Variants in ADAMTS12 observed in about 807,000 individuals in gnomAD.
ADAMTS12 encodes the protein ADAM metallopeptidase with thrombospondin type 1 motif 12, also known as A disintegrin and metalloproteinase with thrombospondin motifs 12.
A neutral mutation model predicts 167.8 loss-of-function variants in ADAMTS12; 118 were observed. The observed-to-expected ratio is 0.70, with a 90% CI of 0.61 to 0.82. ADAMTS12 has a LOEUF of 0.82. Among genes scored for constraint, ADAMTS12 ranks in the 40% least tolerant of loss-of-function variants. The probability of loss-of-function intolerance (pLI) is 0.00; values close to 1 mark genes in which losing one functional copy is unlikely to be tolerated. For synonymous variants in ADAMTS12, 704 were observed against 716.9 expected (o/e 0.98, Z 0.29); for missense variants, 1,916 against 1,998.8 (o/e 0.96, Z 0.79).
chr5:33,632,162 C>T (rs1384839054), intron 12 of ADAMTS12, among the ~76,000 whole-genome samples: 2 of 152,126 alleles, frequency 1.3e-5, no homozygotes, highest in Non-Finnish European at 2.9e-5. Flanking sequence ...AGTTAGATAA[C>T]ACATGTTCTC....
intron 5 of ADAMTS12, among the ~76,000 whole-genome samples, chr5:33,682,789 C>T (rs1044785792): frequency 6.6e-6 from 1 of 152,158 alleles, no homozygotes; most frequent in African/African-American, 2.4e-5. Flanking sequence ...TTATTAGATA[C>T]AATGACTGTC....
intron 17 of ADAMTS12, among the ~76,000 whole-genome samples, chr5:33,595,481 G>A (rs1747877181): frequency 6.6e-6 from 1 of 152,160 alleles, no homozygotes; most frequent in Admixed American, 6.5e-5. Flanking sequence ...AGCCCCACGT[G>A]CCAGTAATGT....
At chr5:33,868,890 C>T (rs1160014295) in intron 2 of ADAMTS12, among the ~76,000 whole-genome samples, 2 of 152,176 alleles carry the variant, frequency 1.3e-5, no homozygotes, top group Admixed American at 1.3e-4. Context: ...TATTGGACAC[C>T]TCTTTTTAAA....
At chr5:33,615,731 G>T in intron 15 of ADAMTS12, 97 bp downstream of exon 15, 3 of 1,502,826 alleles carry the variant, frequency 2.0e-6, no homozygotes, top group Non-Finnish European at 2.7e-6. Context: ...AGGTTTTAAA[G>T]ATTCTGACTT....
rs143327907 is a variant in ADAMTS12 at position 33,798,409 on chromosome 5, T to C, written c.490-46861A>G. Among the ~76,000 whole-genome samples the C allele has an allele frequency of 6.1e-3, 915 of 150,456 alleles. 10 individuals are homozygous for C. The highest frequency in any genetic ancestry group is 0.021 in the African/African-American group (863 of 41,116). ...TGTGTCCTCACATGGTCTTTTCTCA[T>C]GTTCCTGATGTCTCTTCTTTGTATC... On this transcript the variant is annotated intron_variant, in intron 2 of 23. Transcript: ENST00000504830.
chr5:33,879,067 G>A (rs1750331998), intron 2 of ADAMTS12, among the ~76,000 whole-genome samples: 1 of 152,096 alleles, frequency 6.6e-6, no homozygotes, highest in Non-Finnish European at 1.5e-5. Context: ...TTTCTTTGTG[G>A]GCTAATGAAA....
At chr5:33,881,530 G>C in intron 1 of ADAMTS12, 50 bp from the exon 2 acceptor site, 2 of 1,556,082 alleles carry the variant, frequency 1.3e-6, no homozygotes, top group East Asian at 4.5e-5. Flanking sequence ...TGGTAGTAAA[G>C]CAAAGCCACT....
chr5:33,688,445 C>T (rs1402498223), intron 3 of ADAMTS12, among the ~76,000 whole-genome samples: 1 of 129,906 alleles, frequency 7.7e-6, no homozygotes, highest in Non-Finnish European at 1.7e-5. Flanking sequence ...ACTAACAGAA[C>T]AGAAGTCCTA....
chr5:33,726,115 A>G (rs1237677115), intron 3 of ADAMTS12, among the ~76,000 whole-genome samples: 1 of 152,178 alleles, frequency 6.6e-6, no homozygotes, highest in Non-Finnish European at 1.5e-5. Flanking sequence ...ACATTCCACT[A>G]TGTGGCTTAA....
chr5:33,633,886 T>A (rs189908005), intron 12 of ADAMTS12, among the ~76,000 whole-genome samples: 55 of 152,168 alleles, frequency 3.6e-4, no homozygotes, highest in Middle Eastern at 6.8e-3. Flanking sequence ...GTCATGTGAT[T>A]TTTTTTCCCT....
chr5:33,585,120 T>C (rs1747279544), intron 18 of ADAMTS12, among the ~76,000 whole-genome samples: 1 of 152,162 alleles, frequency 6.6e-6, no homozygotes, highest in African/African-American at 2.4e-5. Flanking sequence ...TTACAAAGTA[T>C]CTGACTAAAC....
At chr5:33,535,383 C>G (rs1744343386) in intron 22 of ADAMTS12, among the ~76,000 whole-genome samples, 1 of 152,142 alleles carries the variant, frequency 6.6e-6, no homozygotes, top group African/African-American at 2.4e-5. Context: ...TCAAGCTGGG[C>G]CAATCAGTCA....
intron 1 of ADAMTS12, among the ~76,000 whole-genome samples, chr5:33,882,545 T>C (rs1039113424): frequency 6.6e-6 from 1 of 152,192 alleles, no homozygotes; most frequent in Admixed American, 6.6e-5. Context: ...GAATTTATCA[T>C]CACTCTGGAT....
Position 33,644,539 on chromosome 5 carries a change from A to G in ADAMTS12, c.1480-1069T>C, listed in dbSNP as rs74378135. On this transcript the variant is annotated intron_variant, in intron 9 of 23. Coordinates refer to ENST00000504830, the MANE Select transcript of ADAMTS12 (RefSeq NM_030955.4). ...TTATTCTTCCTCATATCTGCCTTACATATATCTTCTGGTTCTTTTTTCTCA... is the reference window on the plus strand; with the variant it reads ...TTATTCTTCCTCATATCTGCCTTACGTATATCTTCTGGTTCTTTTTTCTCA... Among the ~76,000 whole-genome samples, 803 of 152,180 alleles carry G rather than the reference A, an allele frequency of 5.3e-3. 5 individuals carry two copies. Among genetic ancestry groups the G allele is most frequent in the African/African-American group, 0.018 (750 of 41,524 alleles).
chr5:33,697,012 A>G (rs1742805699), intron 3 of ADAMTS12, among the ~76,000 whole-genome samples: 1 of 152,234 alleles, frequency 6.6e-6, no homozygotes, highest in South Asian at 2.1e-4. Context: ...AGCCCAAGAA[A>G]AAAAGCTTTT....
rs374255989 is a variant in ADAMTS12, at chr5:33,690,485, G to A, written c.635-6430C>T. 3.0e-4 allele frequency among the ~76,000 whole-genome samples: 45 copies of A among 151,576 alleles called. 1 individual carries two copies. The South Asian group carries it at 7.1e-3, about 24-fold the overall frequency. ...GAAAAAAAAAAAGAAAGAAAGAGAT[G>A]TATTCTCAAAGGCTGGATGGTCCTG... On this transcript the variant is annotated intron_variant, in intron 3 of 23. Coordinates refer to ENST00000504830, the MANE Select transcript of ADAMTS12 (RefSeq NM_030955.4).
intron 3 of ADAMTS12, among the ~76,000 whole-genome samples, chr5:33,684,691 A>C (rs1022210212): frequency 1.3e-5 from 2 of 152,222 alleles, no homozygotes; most frequent in Admixed American, 6.5e-5. Context: ...GCACAAAAAG[A>C]GGTGGAAAAG....
intron 12 of ADAMTS12, among the ~76,000 whole-genome samples, chr5:33,636,989 A>T (rs888066310): frequency 6.6e-6 from 1 of 152,146 alleles, no homozygotes; most frequent in Non-Finnish European, 1.5e-5. Flanking sequence ...TACATATAAA[A>T]TGTTGACTTC....
At chr5:33,624,790 C>T (rs917893982) in intron 13 of ADAMTS12, among the ~76,000 whole-genome samples, 3 of 152,106 alleles carry the variant, frequency 2.0e-5, no homozygotes, top group South Asian at 2.1e-4. Context: ...AGTCATGAGC[C>T]GTATCTGACC....
Sources: gnomAD v4.1 joint callset for allele counts (sites outside exome capture counted in the v4.1 genomes callset) on GRCh38, gnomAD v4.1.1 for gene constraint, MANE v1.5 for transcripts, NCBI Gene and HGNC (gene_info 2026-07-23, HGNC 2026-07-21) for gene names.